MYO16: variants seen among roughly 807,000 people sequenced by gnomAD.
MYO16 encodes the protein unconventional myosin-XVI.
Under a neutral mutation model 205.3 loss-of-function variants are expected in MYO16, and 94 were observed. The observed-to-expected ratio is 0.46, with a 90% CI of 0.39 to 0.54. The LOEUF (loss-of-function observed/expected upper bound fraction) is 0.54, where lower values mean the gene tolerates loss of function less well. Ranked by LOEUF, MYO16 falls within the 20% of genes least tolerant of loss-of-function variation. MYO16 has a pLI of 0.00. For missense variants in MYO16, 2,315 were observed against 2,387.5 expected (o/e 0.97, Z 0.63); for synonymous variants, 988 against 954.0 (o/e 1.04, Z -0.66).
At chr13:108,522,790 G>C in the MYO16 span, among the ~76,000 whole-genome samples, 1 of 151,918 alleles carries the variant, frequency 6.6e-6, no homozygotes, top group Non-Finnish European at 1.5e-5. Flanking sequence ...GTGTGTCTGT[G>C]TGTCTGTCTG....
intron 14 of MYO16, among the ~76,000 whole-genome samples, chr13:108,897,408 G>C (rs1594378374): frequency 6.6e-6 from 1 of 152,310 alleles, no homozygotes; most frequent in Middle Eastern, 3.4e-3. Flanking sequence ...CTGCAACAAA[G>C]CACAGGGCAG....
At chr13:109,017,487 A>G (rs1221279745) in intron 22 of MYO16, among the ~76,000 whole-genome samples, 2 of 151,980 alleles carry the variant, frequency 1.3e-5, no homozygotes, top group Non-Finnish European at 2.9e-5. Flanking sequence ...TGTTCTCTGT[A>G]TTTCCTGAAT....
the MYO16 span, among the ~76,000 whole-genome samples, chr13:108,566,917 G>A: frequency 1.3e-5 from 2 of 152,148 alleles, no homozygotes; most frequent in African/African-American, 4.8e-5. Flanking sequence ...TTGACAATTA[G>A]AACAATTTGA....
At chr13:108,907,281 T>C (rs1881031970) in intron 15 of MYO16, among the ~76,000 whole-genome samples, 1 of 152,170 alleles carries the variant, frequency 6.6e-6, no homozygotes, top group Non-Finnish European at 1.5e-5. Context: ...TGCAAACATA[T>C]ATATTTTTCA....
rs558801439 is a variant in MYO16, at chr13:109,059,848, G to A, written c.3335+4253G>A. On this transcript the variant is annotated intron_variant, in intron 27 of 34. Coordinates refer to ENST00000457511, the MANE Select transcript of MYO16 (RefSeq NM_001198950.3). ...AAGTCCTTGCCCATGCCTGTGTCCT[G>A]AGTGGTATTGCCTAGGTTTTCTTCT... Among the ~76,000 whole-genome samples the A allele has an allele frequency of 1.8e-3, 273 of 152,294 alleles. 2 individuals carry two copies. Among genetic ancestry groups the A allele is most frequent in the Middle Eastern group, 3.4e-3 (1 of 294 alleles).
chr13:108,589,328 A>AT, the MYO16 span, among the ~76,000 whole-genome samples: 2 of 152,128 alleles, frequency 1.3e-5, no homozygotes, highest in Non-Finnish European at 2.9e-5. Flanking sequence ...GTATATTTTC[A>AT]TATTACAATT....
chr13:108,634,175 G>T (rs187467392), intron 1 of MYO16, among the ~76,000 whole-genome samples: 89 of 152,204 alleles, frequency 5.8e-4, no homozygotes, highest in Admixed American at 3.2e-3. Flanking sequence ...TGTTTCTACG[G>T]TAGGCACGAC....
upstream of MYO16, among the ~76,000 whole-genome samples, chr13:108,625,289 A>T (rs1879691432): frequency 2.6e-5 from 4 of 152,148 alleles, no homozygotes; most frequent in Admixed American, 2.6e-4. Flanking sequence ...AATCAGGAAC[A>T]ACCTCCACAG....
intron 28 of MYO16, among the ~76,000 whole-genome samples, 198 bp from the exon 29 acceptor site, chr13:109,120,172 G>A (rs1875922176): frequency 6.6e-6 from 1 of 152,192 alleles, no homozygotes; most frequent in East Asian, 1.9e-4. Flanking sequence ...GACACATGCA[G>A]TAAACATACT....
intron 1 of MYO16, among the ~76,000 whole-genome samples, chr13:108,599,669 T>A (rs1210360469): frequency 1.3e-5 from 2 of 150,208 alleles, no homozygotes; most frequent in African/African-American, 4.9e-5. Flanking sequence ...TTAAAAAAAA[T>A]ATCAAATGCC....
At chr13:108,765,473 C>G (rs911110832) in intron 4 of MYO16, among the ~76,000 whole-genome samples, 1 of 152,090 alleles carries the variant, frequency 6.6e-6, no homozygotes. Flanking sequence ...TTCAGTGCTT[C>G]CCTTCTGAAT....
chr13:108,879,267 G>A (rs1185421944), intron 12 of MYO16, among the ~76,000 whole-genome samples: 1 of 152,148 alleles, frequency 6.6e-6, no homozygotes, highest in East Asian at 1.9e-4. Context: ...AACTCTCATT[G>A]TGGATCATGT....
intron 27 of MYO16, among the ~76,000 whole-genome samples, chr13:109,065,772 C>A (rs1253928006): frequency 1.3e-5 from 2 of 152,150 alleles, no homozygotes; most frequent in East Asian, 3.9e-4. Context: ...GAACAAACAT[C>A]GGAGTCTTAA....
intron 32 of MYO16, among the ~76,000 whole-genome samples, chr13:109,147,906 C>G (rs1877427783): frequency 6.6e-6 from 1 of 152,160 alleles, no homozygotes; most frequent in Non-Finnish European, 1.5e-5. Context: ...GAAGGGGGGT[C>G]TCCATTTATC....
At chr13:108,891,311 G>A (rs1245118697) in intron 14 of MYO16, among the ~76,000 whole-genome samples, 1 of 152,052 alleles carries the variant, frequency 6.6e-6, no homozygotes, top group East Asian at 1.9e-4. Flanking sequence ...TAGATAGTGG[G>A]ATTTTTCTAC....
chr13:108,712,699 C>G lies in MYO16; in HGVS notation c.331C>G (p.Leu111Val). 6.2e-7 allele frequency: 1 copy of G among 1,614,088 alleles called. No homozygotes were observed. The highest frequency in any genetic ancestry group is 1.1e-5 in the South Asian group (1 of 91,062). Reference protein sequence around the residue: ...LLKEGADPHTLVSSGGSLLHL... With the variant: ...LLKEGADPHTVVSSGGSLLHL... Reference sequence around the variant, plus strand: ...GAAGGAGGGGGCAGACCCCCACACCCTCGTCTCCTCGGGAGGGTCCCTGCT... The same window carrying G: ...GAAGGAGGGGGCAGACCCCCACACCGTCGTCTCCTCGGGAGGGTCCCTGCT... Residue 111 changes from leucine (L) to valine (V), a missense_variant, in exon 3 of 35, where the codon CTC becomes GTC. This residue lies in a region of MYO16 where 1,213 missense variants were observed against 1,274.4 expected (regional missense o/e 0.95). Transcript: ENST00000457511.
At chr13:108,564,781 T>G in the MYO16 span, among the ~76,000 whole-genome samples, 1 of 152,222 alleles carries the variant, frequency 6.6e-6, no homozygotes. Flanking sequence ...TTTCATAGTC[T>G]GAGGTCTTAT....
chr13:108,545,323 A>G, the MYO16 span, among the ~76,000 whole-genome samples: 1 of 152,170 alleles, frequency 6.6e-6, no homozygotes, highest in African/African-American at 2.4e-5. Context: ...ACGTTGCTGC[A>G]TAGGACATAA....
At chr13:108,981,395 G>C (rs1884442789) in intron 20 of MYO16, among the ~76,000 whole-genome samples, 1 of 152,252 alleles carries the variant, frequency 6.6e-6, no homozygotes, top group African/African-American at 2.4e-5. Context: ...GTGCATCCAT[G>C]CCATGTACAA....
Sources: allele counts gnomAD v4.1 joint callset (sites outside exome capture counted in the v4.1 genomes callset), GRCh38; gene constraint gnomAD v4.1.1; regional missense constraint gnomAD v4.1.1; transcripts MANE v1.5; gene names NCBI Gene and HGNC (gene_info 2026-07-23, HGNC 2026-07-21).